Variants in UPF2 observed in about 807,000 individuals in gnomAD.
UPF2 encodes the protein regulator of nonsense transcripts 2.
In UPF2, 17 loss-of-function variants were observed where a neutral mutation model predicts 141.4. The ratio of observed to expected loss-of-function variants is 0.12; its 90% CI spans 0.08 to 0.18. The LOEUF (loss-of-function observed/expected upper bound fraction) is 0.18, where lower values mean the gene tolerates loss of function less well. Ranked by LOEUF, UPF2 falls within the 10% of genes least tolerant of loss-of-function variation. The probability of loss-of-function intolerance (pLI) is 1.00; values close to 1 mark genes in which losing one functional copy is unlikely to be tolerated. For missense variants in UPF2, 1,152 were observed against 1,515.9 expected (o/e 0.76, Z 3.99); for synonymous variants, 540 against 498.0 (o/e 1.08, Z -1.12).
In UPF2 at chr10:11,921,292, G is replaced by A; in HGVS notation, c.*6C>T. ...AGGACCTAATGAAATGACACGTGCT[G>A]CTGGATCAACGTCTCCTAAAGGAAC... On this transcript the variant is annotated 3_prime_UTR_variant, in exon 22 of 22. Coordinates refer to ENST00000357604, the MANE Select transcript of UPF2 (RefSeq NM_015542.4). The surrounding 1 kb of genome is among the most constrained non-coding windows in gnomAD (Gnocchi z 5.9). 6.2e-7 allele frequency: 1 copy of A among 1,614,150 alleles called. No homozygotes were observed. The highest frequency in any genetic ancestry group is 8.5e-7 in the Non-Finnish European group (1 of 1,180,016).
intron 19 of UPF2, among the ~76,000 whole-genome samples, chr10:11,934,876 C>T (rs1315624393): frequency 6.6e-6 from 1 of 152,216 alleles, no homozygotes; most frequent in Non-Finnish European, 1.5e-5. Context: ...GTGTGAGCCA[C>T]TATGCCCGGC....
intron 21 of UPF2, among the ~76,000 whole-genome samples, chr10:11,925,072 G>GC (rs1445169718): frequency 6.6e-6 from 1 of 151,854 alleles, no homozygotes; most frequent in Non-Finnish European, 1.5e-5. Flanking sequence ...GCCTTCCTCG[G>GC]CCCCCCAAAG....
chr10:11,971,816 C>A (rs903695257), intron 9 of UPF2, among the ~76,000 whole-genome samples: 1 of 152,024 alleles, frequency 6.6e-6, no homozygotes, highest in Non-Finnish European at 1.5e-5. Flanking sequence ...ATAATCCCAG[C>A]GCTTTGGGAG....
chr10:12,035,203 T>C lies in UPF2; in HGVS notation c.221A>G (p.Lys74Arg), dbSNP rs190229269. The C allele has an allele frequency of 1.9e-6, 3 of 1,613,754 alleles. No homozygotes were observed. Among genetic ancestry groups the C allele is most frequent in the South Asian group, 2.2e-5 (2 of 90,932 alleles). ...TGCCTTCACCTTTTCTTCGTCTTTT[T>C]TCTTGCGTTCCTTGTCTTCCTTTTT... ...KRKKEDKERK[K>R]KDEEKVKAEE... The change falls in exon 2 of 22, where the codon AAA becomes AGA. Residue 74 changes from lysine to arginine, a missense_variant. By Grantham distance (26) the Lys-to-Arg change is conservative (BLOSUM62 2). This residue lies in a region of UPF2 where 145 missense variants were observed against 136.5 expected (regional missense o/e 1.06). Transcript: ENST00000357604.
In UPF2 at chr10:11,998,194, G is replaced by A. The variant is rs1039265216; in HGVS notation, c.1759-437C>T. Among the ~76,000 whole-genome samples, 3 of 152,146 alleles carry A rather than the reference G, an allele frequency of 2.0e-5. No homozygotes were observed. Among genetic ancestry groups the A allele is most frequent in the African/African-American group, 7.2e-5 (3 of 41,440 alleles). ...CTAAGAAAACTGGAAAGCCTGATAAGCGGCCTCAGTGAAGGTCTCTCTGAC... is the reference window on the plus strand; with the variant it reads ...CTAAGAAAACTGGAAAGCCTGATAAACGGCCTCAGTGAAGGTCTCTCTGAC... On this transcript the variant is annotated intron_variant, in intron 7 of 21. Coordinates refer to ENST00000357604, the MANE Select transcript of UPF2 (RefSeq NM_015542.4). This position sits in a 1 kb window ranked among gnomAD's most constrained non-coding sequence, Gnocchi z 4.5.
chr10:12,035,726 T>A, intron 1 of UPF2: 3 of 228,696 alleles, frequency 1.3e-5, no homozygotes. Context: ...AACCTCCACG[T>A]ACCCATCACT....
Position 11,999,232 on chromosome 10 carries a change from G to A in UPF2, c.1758+674C>T, listed in dbSNP as rs576319070. On this transcript the variant is annotated intron_variant, in intron 7 of 21. Coordinates refer to ENST00000357604, the MANE Select transcript of UPF2 (RefSeq NM_015542.4). ...ACAATAAAAAAGAAAAAAAAACATC[G>A]GCCGGGTATGGTGGCTCATGCCTGT... is the stretch of plus-strand genomic sequence containing the variant. Among the ~76,000 whole-genome samples the A allele has an allele frequency of 1.1e-4, 17 of 151,748 alleles. No individual in the cohort carries two copies. In the East Asian group the frequency reaches 1.2e-3, roughly 10 times the overall value.
chr10:12,043,004 A>C (rs1418995498), upstream of UPF2: 1 of 152,094 alleles, frequency 6.6e-6, no homozygotes, highest in Admixed American at 6.6e-5. Flanking sequence ...AACAGTCCTG[A>C]TCGTCTTCCC....
rs550240274 is a variant in UPF2 at position 12,030,840 on chromosome 10, T to C, written c.366-1316A>G. The stretch of plus-strand genomic sequence containing the variant: ...CGCAGGTTGCCGTGAGCCAAGATCA[T>C]GCCACTGCACTCCAACCTGTGTGAC... On this transcript the variant is annotated intron_variant, in intron 2 of 21. Coordinates refer to ENST00000357604, the MANE Select transcript of UPF2 (RefSeq NM_015542.4). Among the ~76,000 whole-genome samples, 73 of 149,764 alleles carry C rather than the reference T, an allele frequency of 4.9e-4. No individual in the cohort carries two copies. The East Asian group carries it at 0.014, about 29-fold the overall frequency.
intron 3 of UPF2, among the ~76,000 whole-genome samples, chr10:12,025,250 A>G (rs538496750): frequency 2.0e-5 from 3 of 152,196 alleles, no homozygotes; most frequent in Non-Finnish European, 4.4e-5. Context: ...AAAGTCTCCC[A>G]TCATAAAAAG....
Position 11,930,123 on chromosome 10 carries a change from G to A in UPF2, c.3689-138C>T. On this transcript the variant is annotated intron_variant, in intron 20 of 21. Coordinates refer to ENST00000357604, the MANE Select transcript of UPF2 (RefSeq NM_015542.4). ...ACTAAAGAAAAATAGCCATTATACA[G>A]ACTAAAATGATTAAGAAGTTTTAAA... is the stretch of plus-strand genomic sequence containing the variant. The A allele has an allele frequency of 4.2e-6, 5 of 1,197,668 alleles. No homozygotes were observed. In the South Asian group the frequency reaches 7.9e-5, roughly 19 times the overall value. The allele number at this position is 1,197,668 out of a possible 1,614,324, so 74.2% of individuals were successfully genotyped here. A position where few individuals can be genotyped will look rare whatever the true frequency, so the allele number is the denominator to read the frequency against.
chr10:11,927,090 C>T (rs1232018470), intron 21 of UPF2, among the ~76,000 whole-genome samples: 1 of 152,210 alleles, frequency 6.6e-6, no homozygotes, highest in East Asian at 1.9e-4. Context: ...CTCGGCTTCC[C>T]TACTGGACCA....
At position 12,035,144 on chromosome 10, in the gene UPF2, T is replaced by C. The variant is rs1244090437; in HGVS notation, c.280A>G (p.Lys94Glu). 1 of 1,601,994 alleles carries C rather than the reference T, an allele frequency of 6.2e-7. No homozygotes were observed. Among genetic ancestry groups the C allele is most frequent in the Admixed American group, 1.8e-5 (1 of 56,886 alleles). Residue 94 changes from lysine to glutamate, a missense_variant, in exon 2 of 22, where the codon AAA becomes GAA. By Grantham distance (56) the Lys-to-Glu change is moderately conservative. Coordinates refer to ENST00000357604, the MANE Select transcript of UPF2 (RefSeq NM_015542.4). ...EESKKKEEEEKKKHQEEERKK... is the reference protein window; with the variant it reads ...EESKKKEEEEEKKHQEEERKK... ...CTCTCTTCCTCTTGATGTTTCTTTT[T>C]TTCTTCCTCTTCTTTTTTCTTTGAT... is the stretch of plus-strand genomic sequence containing the variant.
At chr10:11,945,243 A>C (rs2131174704) in intron 16 of UPF2, among the ~76,000 whole-genome samples, 1 of 152,244 alleles carries the variant, frequency 6.6e-6, no homozygotes, top group South Asian at 2.1e-4. Flanking sequence ...AGTCACCCCC[A>C]CTCTTCAAAA....
In UPF2 at chr10:11,943,078, C is replaced by A; in HGVS notation, c.3265G>T (p.Asp1089Tyr). The A allele has an allele frequency of 6.2e-7, 1 of 1,610,496 alleles. No homozygotes were observed. Residue 1089 changes from aspartate to tyrosine, a missense_variant, in exon 17 of 22, where the codon GAT becomes TAT. By Grantham distance (160) the Asp-to-Tyr change is radical. Around this residue, in one of 4 missense-constraint regions of UPF2, gnomAD observed 202 missense variants for 223.6 expected, o/e 0.90. Transcript: ENST00000357604. ...GCCATACGTACAGTATTCTCTTCAT[C>A]GGTTTCATTTTCCTTATTGGAATCT... ...LTDSNKENET[D>Y]EENTEVMIKG... is the part of the protein sequence containing the mutation.
At chr10:11,978,170 G>T (rs1441100660) in intron 9 of UPF2, among the ~76,000 whole-genome samples, 1 of 152,204 alleles carries the variant, frequency 6.6e-6, no homozygotes, top group Non-Finnish European at 1.5e-5. Context: ...CCTCAGAATT[G>T]TGTCTGTTCT....
intron 8 of UPF2, among the ~76,000 whole-genome samples, chr10:11,989,717 A>C (rs1188773946): frequency 2.0e-5 from 3 of 152,346 alleles, no homozygotes; most frequent in Admixed American, 1.3e-4. Flanking sequence ...GTCCTAGACA[A>C]TGAGCTAAGA....
At chr10:11,932,531 A>G (rs1303360487) in intron 19 of UPF2, among the ~76,000 whole-genome samples, 1 of 152,208 alleles carries the variant, frequency 6.6e-6, no homozygotes, top group African/African-American at 2.4e-5. Flanking sequence ...AAGTTTTACA[A>G]AAGGCAAAGT....
At chr10:11,972,345 A>G (rs78710892) in intron 9 of UPF2, among the ~76,000 whole-genome samples, 25,429 of 152,172 alleles carry the variant, frequency 0.17, 2,461 homozygotes, top group South Asian at 0.27. Flanking sequence ...TACTGACTCT[A>G]TAAATAAGTA....
Sources: allele counts gnomAD v4.1 joint callset (sites outside exome capture counted in the v4.1 genomes callset), GRCh38; gene constraint gnomAD v4.1.1; regional missense constraint gnomAD v4.1.1; non-coding constraint Gnocchi (gnomAD v3.1); transcripts MANE v1.5; gene names NCBI Gene and HGNC (gene_info 2026-07-23, HGNC 2026-07-21).